WDR48: variants seen among roughly 807,000 people sequenced by gnomAD.
WDR48 encodes the protein WD repeat domain 48, also known as WD repeat-containing protein 48.
In WDR48, 22 loss-of-function variants were observed where a neutral mutation model predicts 94.0. The ratio of observed to expected loss-of-function variants is 0.23; its 90% CI spans 0.17 to 0.33. The LOEUF (loss-of-function observed/expected upper bound fraction) is 0.33, where lower values mean the gene tolerates loss of function less well. WDR48 is among the 10% of genes least tolerant of loss of function. WDR48 has a pLI of 1.00. For missense variants in WDR48, 541 were observed against 813.8 expected (o/e 0.66, Z 4.08); for synonymous variants, 278 against 280.5 (o/e 0.99, Z 0.09).
chr3:39,077,251 T>C (rs779661023), intron 9 of WDR48, 38 bp downstream of exon 9: 2 of 1,610,620 alleles, frequency 1.2e-6, no homozygotes, highest in South Asian at 2.2e-5. Context: ...TTTATAAACA[T>C]GTATTTTGTT....
intron 11 of WDR48, 141 bp downstream of exon 11, chr3:39,079,949 G>T: frequency 2.2e-6 from 1 of 463,624 alleles, no homozygotes. Flanking sequence ...TTTCTTATAT[G>T]AATATTAGAT....
rs148130120 is a variant in WDR48 at position 39,089,153 on chromosome 3, C to T, written c.1581-78C>T. Reference sequence around the variant, plus strand: ...TCCTACATGAAAACCATGAGGGTTCCTCCCGCTAATATTTGTTGACAGTGA... The same window carrying T: ...TCCTACATGAAAACCATGAGGGTTCTTCCCGCTAATATTTGTTGACAGTGA... On this transcript the variant is annotated intron_variant, in intron 15 of 18. Coordinates refer to ENST00000302313, the MANE Select transcript of WDR48 (RefSeq NM_020839.4). 997 of 1,315,370 alleles carry T rather than the reference C, an allele frequency of 7.6e-4. 9 individuals carry two copies. In the African/African-American group the frequency reaches 0.013, roughly 17 times the overall value. 81.5% of individuals were successfully genotyped at this position (1,315,370 alleles called of 1,614,324 possible).
intron 13 of WDR48, among the ~76,000 whole-genome samples, 196 bp from the exon 14 acceptor site, chr3:39,085,317 CAT>C (rs1200455764): frequency 3.9e-5 from 6 of 152,136 alleles, no homozygotes; most frequent in Non-Finnish European, 8.8e-5. Context: ...TCCATAGCAT[CAT>C]TGCTTTAAAC....
chr3:39,072,839 G>A (rs1289118459), intron 7 of WDR48, among the ~76,000 whole-genome samples: 1 of 152,162 alleles, frequency 6.6e-6, no homozygotes, highest in Non-Finnish European at 1.5e-5. Flanking sequence ...CTGCGAAGAA[G>A]TTGGCCAACA....
chr3:39,089,509 T>G, intron 16 of WDR48, 191 bp downstream of exon 16: 1 of 375,478 alleles, frequency 2.7e-6, no homozygotes, highest in Non-Finnish European at 4.7e-6. Flanking sequence ...GCTTTGTTGG[T>G]TTTTAATTAT....
At chr3:39,058,145 T>G (rs1303876007) in intron 1 of WDR48, among the ~76,000 whole-genome samples, 1 of 152,152 alleles carries the variant, frequency 6.6e-6, no homozygotes, top group East Asian at 1.9e-4. Flanking sequence ...TTGCCCAGGT[T>G]GTAGTACAGT....
chr3:39,080,771 A>T (rs1478780601), intron 11 of WDR48, among the ~76,000 whole-genome samples: 2 of 152,224 alleles, frequency 1.3e-5, no homozygotes, highest in Non-Finnish European at 2.9e-5. Context: ...TTTCCAGTAG[A>T]TGCATAATGG....
At chr3:39,085,383 A>T in intron 13 of WDR48, 132 bp from the exon 14 acceptor site, 1 of 736,744 alleles carries the variant, frequency 1.4e-6, no homozygotes, top group South Asian at 1.6e-5. Context: ...TCTTTATTTT[A>T]GACATCATTC....
rs777952878 is a variant in WDR48 at position 39,084,608 on chromosome 3, T to C, written c.1282-37T>C. On this transcript the variant is annotated intron_variant, in intron 12 of 18. Transcript: ENST00000302313. Reference sequence around the variant, plus strand: ...TTTAGAGACTTGTTTGGAGAATATATTCAAATGGGATGCCACTAAGTTTTT... The same window carrying C: ...TTTAGAGACTTGTTTGGAGAATATACTCAAATGGGATGCCACTAAGTTTTT... The C allele has an allele frequency of 6.4e-6, 10 of 1,568,864 alleles. No homozygotes were observed. The South Asian group carries it at 1.1e-4, about 18-fold the overall frequency.
chr3:39,084,495 G>T, intron 12 of WDR48, 150 bp from the exon 13 acceptor site: 1 of 617,162 alleles, frequency 1.6e-6, no homozygotes, highest in Non-Finnish European at 2.6e-6. Flanking sequence ...AAACTAAATT[G>T]TGTTGTTGCA....
chr3:39,082,771 G>C (rs1199417399), intron 11 of WDR48, among the ~76,000 whole-genome samples: 1 of 152,194 alleles, frequency 6.6e-6, no homozygotes, highest in African/African-American at 2.4e-5. Context: ...CTGAATAGAG[G>C]TGTTTGGTGG....
chr3:39,084,921 T>C (rs777884648), intron 13 of WDR48, among the ~76,000 whole-genome samples, 180 bp downstream of exon 13: 13 of 152,210 alleles, frequency 8.5e-5, no homozygotes, highest in Non-Finnish European at 1.6e-4. Flanking sequence ...CATATGGAAA[T>C]AGCCGTTTAA....
Position 39,093,995 on chromosome 3 carries a change from G to A in WDR48, c.1867G>A (p.Gly623Arg). The A allele has an allele frequency of 1.9e-6, 3 of 1,613,984 alleles. No individual in the cohort carries two copies. Among genetic ancestry groups the A allele is most frequent in the Non-Finnish European group, 2.5e-6 (3 of 1,179,980 alleles). The change falls in exon 18 of 19, where the codon GGA becomes AGA. Residue 623 changes from glycine to arginine, a missense_variant. Transcript: ENST00000302313. ...TTSSSNNEKP[G>R]EQEKEEDIAV... is the part of the protein sequence containing the mutation. Reference sequence around the variant, plus strand: ...TAGCTCTTCTAATAATGAAAAACCAGGAGAACAGGAAAAAGAAGAAGATAT... The same window carrying A: ...TAGCTCTTCTAATAATGAAAAACCAAGAGAACAGGAAAAAGAAGAAGATAT...
intron 17 of WDR48, among the ~76,000 whole-genome samples, chr3:39,092,438 C>G (rs116551417): frequency 7.2e-5 from 11 of 152,252 alleles, no homozygotes; most frequent in African/African-American, 2.6e-4. Context: ...GAAGTGGGAG[C>G]ATGCATAAGA....
Position 39,096,640 on chromosome 3 carries a change from T to G in WDR48, c.*1897T>G, listed in dbSNP as rs2035354966. 2 of 152,242 alleles carry G rather than the reference T, an allele frequency of 1.3e-5. No individual in the cohort carries two copies. The allele number at this position is 152,242 out of a possible 1,614,324, so 9.4% of individuals were successfully genotyped here. A position where few individuals can be genotyped will look rare whatever the true frequency, so the allele number is the denominator to read the frequency against. ...TAAAAATCTGTATTTCACAGTTGTA[T>G]AGAATAAAGGCTTTAGTTAAAATAT... On this transcript the variant is annotated 3_prime_UTR_variant, in exon 19 of 19. Coordinates refer to ENST00000302313, the MANE Select transcript of WDR48 (RefSeq NM_020839.4).
chr3:39,086,032 T>C (rs1471935148), intron 14 of WDR48, among the ~76,000 whole-genome samples: 1 of 152,216 alleles, frequency 6.6e-6, no homozygotes, highest in Non-Finnish European at 1.5e-5. Context: ...ATGTTGGTAT[T>C]TCCTAGTCTC....
At chr3:39,092,617 T>A (rs1242250965) in intron 17 of WDR48, among the ~76,000 whole-genome samples, 1 of 152,178 alleles carries the variant, frequency 6.6e-6, no homozygotes, top group Non-Finnish European at 1.5e-5. Context: ...TTTGAGCCAA[T>A]GTGGGATATG....
chr3:39,074,941 A>G lies in WDR48; in HGVS notation c.888A>G (p.Pro296=), dbSNP rs903880104. ...TGCTAATTTGTGAAGAAAAAGCACC[A>G]GTTCTCAAGGTATGTCATATGTTAA... is the stretch of plus-strand genomic sequence containing the variant. The part of the protein sequence containing the change: ...IRVLICEEKA[P]VLKMELDRSA... The change falls in exon 8 of 19, where the codon CCA becomes CCG. Residue 296 remains proline, a synonymous_variant. Coordinates refer to ENST00000302313, the MANE Select transcript of WDR48 (RefSeq NM_020839.4). 3 of 1,614,214 alleles carry G rather than the reference A, an allele frequency of 1.9e-6. No homozygotes were observed. The highest frequency in any genetic ancestry group is 2.2e-5 in the South Asian group (2 of 91,086).
intron 10 of WDR48, among the ~76,000 whole-genome samples, chr3:39,078,818 C>T (rs1419155436): frequency 1.3e-5 from 2 of 151,082 alleles, no homozygotes; most frequent in Non-Finnish European, 3.0e-5. Flanking sequence ...ATCACGAGGT[C>T]AGGAGATCGA....
Sources: gnomAD v4.1 joint callset for allele counts (sites outside exome capture counted in the v4.1 genomes callset) on GRCh38, gnomAD v4.1.1 for gene constraint, MANE v1.5 for transcripts, NCBI Gene and HGNC (gene_info 2026-07-23, HGNC 2026-07-21) for gene names.